Variants in UVRAG observed in about 807,000 individuals in gnomAD.
The protein encoded by UVRAG is UV radiation resistance associated.
UVRAG carries 19 observed loss-of-function variants against 78.0 expected under a neutral mutation model. The observed-to-expected ratio is 0.24, with a 90% CI of 0.17 to 0.36. The LOEUF (loss-of-function observed/expected upper bound fraction) is 0.36, where lower values mean the gene tolerates loss of function less well. Ranked by LOEUF, UVRAG falls within the 10% of genes least tolerant of loss-of-function variation. UVRAG has a pLI of 1.00. For synonymous variants in UVRAG, 323 were observed against 324.6 expected, an observed-to-expected ratio of 1.00 and a Z score of 0.05; for missense variants, 740 against 853.8, an observed-to-expected ratio of 0.87 and a Z score of 1.66.
intron 12 of UVRAG, among the ~76,000 whole-genome samples, chr11:76,023,416 C>T (rs1381456497): frequency 6.6e-6 from 1 of 152,106 alleles, no homozygotes; most frequent in African/African-American, 2.4e-5. Flanking sequence ...AGGCTTTAGG[C>T]AATCTGTTTT....
At chr11:76,086,491 G>A (rs1229991017) in intron 13 of UVRAG, among the ~76,000 whole-genome samples, 1 of 152,014 alleles carries the variant, frequency 6.6e-6, no homozygotes, top group African/African-American at 2.4e-5. Context: ...ATAGAGATTT[G>A]GTCTATTTTT....
chr11:76,121,768 T>C (rs1952281341), intron 14 of UVRAG, among the ~76,000 whole-genome samples: 1 of 152,208 alleles, frequency 6.6e-6, no homozygotes, highest in African/African-American at 2.4e-5. Flanking sequence ...CAGAATAGCC[T>C]GCCCCTTCCT....
chr11:75,823,795 G>T (rs1178693290), intron 1 of UVRAG, among the ~76,000 whole-genome samples: 2 of 152,138 alleles, frequency 1.3e-5, no homozygotes, highest in African/African-American at 4.8e-5. Flanking sequence ...CAGCACTTGT[G>T]CCTAACACTG....
At chr11:75,978,114 T>A (rs12271041) in intron 7 of UVRAG, among the ~76,000 whole-genome samples, 115 of 152,020 alleles carry the variant, frequency 7.6e-4, no homozygotes, top group African/African-American at 2.7e-3. Flanking sequence ...ATTTTATTTC[T>A]CCTTCACTTA....
intron 13 of UVRAG, among the ~76,000 whole-genome samples, chr11:76,096,407 C>G (rs1951786072): frequency 6.6e-6 from 1 of 152,062 alleles, no homozygotes; most frequent in South Asian, 2.1e-4. Context: ...GGAGGACTGT[C>G]AGGGAGAAGG....
At chr11:76,096,651 G>C (rs540297223) in intron 13 of UVRAG, among the ~76,000 whole-genome samples, 1 of 152,138 alleles carries the variant, frequency 6.6e-6, no homozygotes, top group African/African-American at 2.4e-5. Context: ...CGTAAAACCC[G>C]AATGCCTTTT....
intron 6 of UVRAG, among the ~76,000 whole-genome samples, chr11:75,927,719 T>C (rs971368354): frequency 6.6e-6 from 1 of 152,026 alleles, no homozygotes; most frequent in Non-Finnish European, 1.5e-5. Flanking sequence ...CAAAGTTGGA[T>C]GGGCATTTGG....
intron 10 of UVRAG, 72 bp from the exon 11 acceptor site, chr11:76,008,735 C>T: frequency 3.6e-6 from 3 of 842,146 alleles, no homozygotes; most frequent in Non-Finnish European, 5.6e-6. Context: ...CAGCACCGAC[C>T]TGCTGATCTG....
intron 4 of UVRAG, among the ~76,000 whole-genome samples, chr11:75,880,537 T>C (rs2134883492): frequency 6.6e-6 from 1 of 152,272 alleles, no homozygotes; most frequent in Non-Finnish European, 1.5e-5. Context: ...CCATGACTGA[T>C]GTAGCTAGTA....
chr11:76,001,105 A>T lies in UVRAG; in HGVS notation c.827-2900A>T, dbSNP rs914637002. On this transcript the variant is annotated intron_variant, in intron 8 of 14. Transcript: ENST00000356136. ...AGACCACATTTGGTACCATAAGACA[A>T]ACAAATACAAAATAATTAAAATCAT... is the stretch of plus-strand genomic sequence containing the variant. Among the ~76,000 whole-genome samples the T allele has an allele frequency of 3.9e-5, 6 of 152,204 alleles. No homozygotes were observed. In the East Asian group the frequency reaches 9.6e-4, roughly 24 times the overall value.
At chr11:76,002,142 A>T (rs563965654) in intron 8 of UVRAG, among the ~76,000 whole-genome samples, 7 of 152,170 alleles carry the variant, frequency 4.6e-5, no homozygotes, top group Non-Finnish European at 8.8e-5. Flanking sequence ...CCATTGCATC[A>T]GTATTATTAC....
intron 14 of UVRAG, among the ~76,000 whole-genome samples, chr11:76,133,532 T>G (rs1417753795): frequency 1.3e-5 from 2 of 152,198 alleles, no homozygotes; most frequent in Non-Finnish European, 2.9e-5. Flanking sequence ...GCTCTACCAG[T>G]TCCTGGGTTG....
intron 14 of UVRAG, among the ~76,000 whole-genome samples, chr11:76,124,502 G>A (rs1952349972): frequency 1.3e-5 from 2 of 152,210 alleles, no homozygotes; most frequent in South Asian, 2.1e-4. Flanking sequence ...GCAACGTTGG[G>A]CCAACTTATT....
chr11:76,140,568 C>T (rs2096660875), intron 14 of UVRAG, 143 bp from the exon 15 acceptor site: 6 of 848,764 alleles, frequency 7.1e-6, no homozygotes, highest in African/African-American at 1.7e-5. Flanking sequence ...CATTGAGACA[C>T]TGCAATAACT....
In UVRAG at chr11:76,115,945, G is replaced by A. The variant is rs746538458; in HGVS notation, c.1327G>A (p.Gly443Arg). The A allele has an allele frequency of 1.2e-6, 2 of 1,613,790 alleles. No homozygotes were observed. Among genetic ancestry groups the A allele is most frequent in the Non-Finnish European group, 1.7e-6 (2 of 1,179,836 alleles). ...ACAGCTAAGATATCAACATGGACTA[G>A]GGACTCCAGACTTGCGGCAAACCCT... ...IAQLRYQHGLGTPDLRQTLPN... is the reference protein window; with the variant it reads ...IAQLRYQHGLRTPDLRQTLPN... The change falls in exon 14 of 15, where the codon GGG (glycine) becomes AGG (arginine). Residue 443 changes from glycine to arginine, a missense_variant. Physicochemically the swap from Gly to Arg is moderately radical, Grantham distance 125. Coordinates refer to ENST00000356136, the MANE Select transcript of UVRAG (RefSeq NM_003369.4).
intron 13 of UVRAG, among the ~76,000 whole-genome samples, chr11:76,104,764 T>A (rs1295866781): frequency 6.6e-6 from 1 of 152,226 alleles, no homozygotes; most frequent in Non-Finnish European, 1.5e-5. Flanking sequence ...GTCGGGTATT[T>A]GTGGTCACTA....
At chr11:75,965,219 A>C (rs1948994596) in intron 7 of UVRAG, among the ~76,000 whole-genome samples, 1 of 152,232 alleles carries the variant, frequency 6.6e-6, no homozygotes, top group African/African-American at 2.4e-5. Flanking sequence ...TCAATCCGTG[A>C]ACATGGTGTA....
intron 13 of UVRAG, among the ~76,000 whole-genome samples, chr11:76,107,187 T>C (rs899333635): frequency 3.9e-5 from 6 of 152,210 alleles, no homozygotes; most frequent in African/African-American, 1.4e-4. Context: ...TGAAATATTT[T>C]TAATATGGCA....
chr11:76,120,104 G>A (rs73498289), intron 14 of UVRAG, among the ~76,000 whole-genome samples: 3,369 of 152,282 alleles, frequency 0.022, 127 homozygotes, highest in African/African-American at 0.077. Flanking sequence ...CTCATAGAGA[G>A]GGAATAGTTT....
Sources: allele counts gnomAD v4.1 joint callset (sites outside exome capture counted in the v4.1 genomes callset), GRCh38; gene constraint gnomAD v4.1.1; transcripts MANE v1.5; gene names NCBI Gene and HGNC (gene_info 2026-07-23, HGNC 2026-07-21).